The following OSTF1 variants were observed in gnomAD, a reference collection of about 807,000 sequenced individuals.
OSTF1 encodes osteoclast-stimulating factor 1.
In OSTF1, 27 loss-of-function variants were observed where a neutral mutation model predicts 37.2. The observed-to-expected ratio is 0.73, with a 90% CI of 0.54 to 1.00. The LOEUF (loss-of-function observed/expected upper bound fraction) is 1.00. OSTF1 is among the 50% of genes least tolerant of loss of function. The pLI is 0.00. For synonymous variants in OSTF1, 82 were observed against 89.2 expected, an observed-to-expected ratio of 0.92 and a Z score of 0.46; for missense variants, 232 against 253.8, an observed-to-expected ratio of 0.91 and a Z score of 0.58.
chr9:75,097,343 G>T (rs1025804347), intron 1 of OSTF1, among the ~76,000 whole-genome samples: 3 of 152,090 alleles, frequency 2.0e-5, no homozygotes, highest in Non-Finnish European at 2.9e-5. Context: ...AGGGCTTCTG[G>T]TCCTTGCCTA....
intron 5 of OSTF1, among the ~76,000 whole-genome samples, chr9:75,132,972 TACAC>T (rs57913558): frequency 0.034 from 2,051 of 60,274 alleles, 24 homozygotes; most frequent in South Asian, 0.18. Context: ...TACACACACA[TACAC>T]ACACACACAC....
intron 2 of OSTF1, 35 bp downstream of exon 2, chr9:75,117,585 G>C: frequency 6.9e-7 from 1 of 1,455,922 alleles, no homozygotes; most frequent in African/African-American, 1.4e-5. Flanking sequence ...AAAATTGACA[G>C]AAAAACCTAA....
rs11144244 is a variant in OSTF1, at chr9:75,129,745, A to G, written c.133-833A>G. 1.8e-4 allele frequency among the ~76,000 whole-genome samples: 28 copies of G among 152,336 alleles called. No homozygotes were observed. The East Asian group carries it at 5.2e-3, about 28-fold the overall frequency. ...TTCTTCAACAAATACATTGTAAGAG[A>G]TAAAAAAGAATGGAGAGACAACCTA... On this transcript the variant is annotated intron_variant, in intron 3 of 9. Transcript: ENST00000346234.
rs1269934931 is a variant in OSTF1, at chr9:75,107,635, C to G, written c.35-9869C>G. ...TATCAGATAGTCTGGAGCAATGGCT[C>G]CCAAACATTTTTTGACCTTGAACTT... On this transcript the variant is annotated intron_variant, in intron 1 of 9. Transcript: ENST00000346234. 2.0e-5 allele frequency among the ~76,000 whole-genome samples: 3 copies of G among 152,274 alleles called. No homozygotes were observed. In the East Asian group the frequency reaches 5.8e-4, roughly 29 times the overall value.
intron 1 of OSTF1, among the ~76,000 whole-genome samples, chr9:75,103,461 T>G (rs192422320): frequency 1.3e-5 from 2 of 152,306 alleles, no homozygotes; most frequent in East Asian, 3.9e-4. Context: ...GAGATAACAG[T>G]TAGCATTTTG....
At position 75,128,495 on chromosome 9, in the gene OSTF1, TTTTGTCC is replaced by T. The variant is rs1210612428; in HGVS notation, c.132+877_132+883del. Among the ~76,000 whole-genome samples the T allele has an allele frequency of 9.3e-4, 40 of 43,182 alleles. 14 individuals carry two copies. The highest frequency in any genetic ancestry group is 4.4e-3 in the African/African-American group (39 of 8,882). 28.3% of individuals were successfully genotyped at this position (43,182 alleles called of 152,430 possible). On this transcript the variant is annotated intron_variant, in intron 3 of 9. Transcript: ENST00000346234. ...TTTTGTCCATATATATATATATATA[TTTTGTCC>T]ATATATATATATATATATTTTGTCC...
intron 1 of OSTF1, among the ~76,000 whole-genome samples, chr9:75,089,594 CGT>C (rs1187551615): frequency 2.6e-5 from 4 of 152,194 alleles, no homozygotes; most frequent in South Asian, 2.1e-4. Flanking sequence ...AAAGGACTGA[CGT>C]ATTTCAATAC....
chr9:75,117,792 A>G (rs1311246054), intron 2 of OSTF1, among the ~76,000 whole-genome samples: 1 of 152,182 alleles, frequency 6.6e-6, no homozygotes, highest in Non-Finnish European at 1.5e-5. Flanking sequence ...CCTGCTTTCA[A>G]ATTGACAAGT....
chr9:75,126,934 A>G (rs1441755194), intron 2 of OSTF1, among the ~76,000 whole-genome samples: 1 of 152,176 alleles, frequency 6.6e-6, no homozygotes, highest in Non-Finnish European at 1.5e-5. Flanking sequence ...GCCAGAGCAC[A>G]TATGGTCTGT....
At chr9:75,089,747 C>T (rs1394521353) in intron 1 of OSTF1, among the ~76,000 whole-genome samples, 3 of 152,184 alleles carry the variant, frequency 2.0e-5, no homozygotes, top group Non-Finnish European at 4.4e-5. Context: ...AAATTTAATC[C>T]ATTTACGTCA....
At chr9:75,121,964 T>A (rs895307136) in intron 2 of OSTF1, among the ~76,000 whole-genome samples, 1 of 152,180 alleles carries the variant, frequency 6.6e-6, no homozygotes, top group Admixed American at 6.5e-5. Context: ...TGGGGATCCA[T>A]TGAACAGGAA....
Position 75,096,183 on chromosome 9 carries a change from C to T in OSTF1, c.34+7457C>T, listed in dbSNP as rs183665953. On this transcript the variant is annotated intron_variant, in intron 1 of 9. Coordinates refer to ENST00000346234, the MANE Select transcript of OSTF1 (RefSeq NM_012383.5). ...CTGGGATTACAGGCGTGAGCCACCGCGCCTGGACATGCCCCCTCCTTTTTA... is the reference window on the plus strand; with the variant it reads ...CTGGGATTACAGGCGTGAGCCACCGTGCCTGGACATGCCCCCTCCTTTTTA... Among the ~76,000 whole-genome samples the T allele has an allele frequency of 3.8e-3, 581 of 152,276 alleles. 5 individuals are homozygous for T. The highest frequency in any genetic ancestry group is 0.014 in the African/African-American group (564 of 41,564).
intron 1 of OSTF1, among the ~76,000 whole-genome samples, chr9:75,117,224 G>A (rs971382157): frequency 2.0e-5 from 3 of 152,104 alleles, no homozygotes; most frequent in African/African-American, 4.8e-5. Flanking sequence ...ATATCTTCCT[G>A]CTAGCTGTTT....
At position 75,127,608 on chromosome 9, in the gene OSTF1, A is replaced by G; in HGVS notation, c.121A>G (p.Ile41Val). The change falls in exon 3 of 10, where the codon ATT (isoleucine) becomes GTT (valine). Residue 41 changes from isoleucine (I) to valine (V), a missense_variant. By Grantham distance (29) the Ile-to-Val change is conservative (BLOSUM62 3). Coordinates refer to ENST00000346234, the MANE Select transcript of OSTF1 (RefSeq NM_012383.5). ...CTTTGAGGAAGGTGATATTATCTAC[A>G]TTACTGACATGGTAAGTCCAGATAA... ...LYFEEGDIIY[I>V]TDMSDTNWWK... 6.3e-7 allele frequency: 1 copy of G among 1,575,706 alleles called. No individual in the cohort carries two copies. Among genetic ancestry groups the G allele is most frequent in the Non-Finnish European group, 8.7e-7 (1 of 1,154,226 alleles).
chr9:75,140,599 T>C (rs886204817), intron 8 of OSTF1, among the ~76,000 whole-genome samples: 8 of 152,204 alleles, frequency 5.3e-5, no homozygotes, highest in Non-Finnish European at 8.8e-5. Flanking sequence ...TGCAATTCTA[T>C]AGGGACTCAA....
intron 1 of OSTF1, among the ~76,000 whole-genome samples, chr9:75,091,516 G>A (rs529459111): frequency 6.6e-6 from 1 of 152,312 alleles, no homozygotes; most frequent in African/African-American, 2.4e-5. Context: ...GCACATAAAG[G>A]TCAGCCCCTG....
At chr9:75,129,516 A>G (rs1228471718) in intron 3 of OSTF1, among the ~76,000 whole-genome samples, 1 of 152,244 alleles carries the variant, frequency 6.6e-6, no homozygotes, top group Non-Finnish European at 1.5e-5. Flanking sequence ...CCGACTAGAT[A>G]GTTTGCATTT....
At chr9:75,136,756 G>A (rs570994706) in intron 7 of OSTF1, among the ~76,000 whole-genome samples, 38 of 152,240 alleles carry the variant, frequency 2.5e-4, no homozygotes, top group African/African-American at 8.9e-4. Flanking sequence ...GCTGGCGGTT[G>A]GGCTTCTCCA....
chr9:75,139,768 A>G (rs186345718), intron 8 of OSTF1, among the ~76,000 whole-genome samples: 9 of 152,230 alleles, frequency 5.9e-5, no homozygotes, highest in African/African-American at 2.2e-4. Flanking sequence ...ATGAAAAAGG[A>G]GGTATTACAA....
Sources: allele counts gnomAD v4.1 joint callset (sites outside exome capture counted in the v4.1 genomes callset), GRCh38; gene constraint gnomAD v4.1.1; transcripts MANE v1.5; gene names NCBI Gene and HGNC (gene_info 2026-07-23, HGNC 2026-07-21).